IL1RAPL1: variants seen among roughly 807,000 people sequenced by gnomAD.
IL1RAPL1 encodes interleukin 1 receptor accessory protein like 1.
A neutral mutation model predicts 48.4 loss-of-function variants in IL1RAPL1; 3 were observed. The observed-to-expected ratio is 0.06, with a 90% CI of 0.03 to 0.16. The LOEUF (loss-of-function observed/expected upper bound fraction) is 0.16, where lower values mean the gene tolerates loss of function less well. Among genes scored for constraint, IL1RAPL1 ranks in the 10% least tolerant of loss-of-function variants. IL1RAPL1 has a pLI of 1.00. For missense variants in IL1RAPL1, 349 were observed against 530.6 expected (o/e 0.66, Z 3.36); for synonymous variants, 185 against 187.7 (o/e 0.99, Z 0.12).
chrX:28,926,930 T>G (rs746032429), intron 2 of IL1RAPL1, among the ~76,000 whole-genome samples: 2 of 111,514 alleles, frequency 1.8e-5, no homozygotes, highest in Non-Finnish European at 3.8e-5. Context: ...CTCCCTCTGT[T>G]GCCCAGGCTG....
intron 1 of IL1RAPL1, among the ~76,000 whole-genome samples, chrX:28,601,936 C>G (rs1033498280): frequency 7.3e-5 from 8 of 109,532 alleles, no homozygotes; most frequent in African/African-American, 2.7e-4. Context: ...GAAACCCCGT[C>G]TCTACTAAAA....
chrX:29,135,668 G>A (rs1182873536), intron 2 of IL1RAPL1, among the ~76,000 whole-genome samples: 2 of 111,904 alleles, frequency 1.8e-5, no homozygotes, highest in Non-Finnish European at 3.8e-5. Flanking sequence ...TCCTGCAGCA[G>A]CAAATTGAGA....
At chrX:29,695,944 A>C (rs2147113228) in intron 6 of IL1RAPL1, among the ~76,000 whole-genome samples, 1 of 111,896 alleles carries the variant, frequency 8.9e-6, no homozygotes, top group Non-Finnish European at 1.9e-5. Flanking sequence ...ATGGCAATGT[A>C]TATTTTCATA....
rs549817185 is a variant in IL1RAPL1 at position 29,736,496 on chromosome X, C to T, written c.778+67992C>T. 2.1e-4 allele frequency among the ~76,000 whole-genome samples: 24 copies of T among 112,321 alleles called. No individual in the cohort carries two copies. In the East Asian group the frequency reaches 5.9e-3, roughly 28 times the overall value. On this transcript the variant is annotated intron_variant, in intron 6 of 10. Transcript: ENST00000378993. ...ATCCCGGAACTCTGGGAGGCCGAAG[C>T]GGGCAGATCACCTGAGGTCAGGAGT...
Position 29,342,746 on chromosome X carries a change from A to G in IL1RAPL1, c.363-53512A>G, listed in dbSNP as rs1425962013. The stretch of plus-strand genomic sequence containing the variant: ...GTAAATATGACTTAGACTGCAGGCT[A>G]GTATCACCTGAATTGTCTAATTATG... On this transcript the variant is annotated intron_variant, in intron 3 of 10. Coordinates refer to ENST00000378993, the MANE Select transcript of IL1RAPL1 (RefSeq NM_014271.4). Among the ~76,000 whole-genome samples, 3 of 112,382 alleles carry G rather than the reference A, an allele frequency of 2.7e-5. No homozygotes were observed. In the East Asian group the frequency reaches 8.3e-4, roughly 31 times the overall value.
chrX:29,401,992 C>G (rs901115562), intron 5 of IL1RAPL1, among the ~76,000 whole-genome samples: 2 of 110,747 alleles, frequency 1.8e-5, no homozygotes, highest in African/African-American at 3.3e-5. Context: ...CTCCCAGGTT[C>G]AAGAGATTCT....
chrX:29,094,048 C>T (rs753095422), intron 2 of IL1RAPL1, among the ~76,000 whole-genome samples: 35 of 111,814 alleles, frequency 3.1e-4, no homozygotes, highest in African/African-American at 1.0e-3. Context: ...CTTTTTTCTT[C>T]CTTACTGTCT....
At chrX:29,487,989 T>C (rs1253544329) in intron 5 of IL1RAPL1, among the ~76,000 whole-genome samples, 1 of 112,223 alleles carries the variant, frequency 8.9e-6, no homozygotes, top group Non-Finnish European at 1.9e-5. Flanking sequence ...TCCTAAGGGC[T>C]TCTCAGTTTT....
intron 5 of IL1RAPL1, among the ~76,000 whole-genome samples, chrX:29,510,865 T>C (rs911100517): frequency 2.7e-5 from 3 of 112,038 alleles, no homozygotes; most frequent in African/African-American, 9.7e-5. Context: ...TTGCCATATA[T>C]GTGAATACTG....
intron 6 of IL1RAPL1, among the ~76,000 whole-genome samples, chrX:29,804,154 T>A (rs1930195967): frequency 9.0e-6 from 1 of 111,508 alleles, no homozygotes; most frequent in South Asian, 3.7e-4. Flanking sequence ...ATTTGCATAA[T>A]TAAAAATTTT....
intron 5 of IL1RAPL1, among the ~76,000 whole-genome samples, chrX:29,581,374 G>A (rs1820519277): frequency 8.9e-6 from 1 of 111,841 alleles, no homozygotes; most frequent in African/African-American, 3.3e-5. Flanking sequence ...CTTATCAGAG[G>A]TTGGACTGTG....
At chrX:29,173,532 T>C (rs1394976638) in intron 2 of IL1RAPL1, among the ~76,000 whole-genome samples, 1 of 111,891 alleles carries the variant, frequency 8.9e-6, no homozygotes, top group Admixed American at 9.6e-5. Flanking sequence ...GTTCTGTAAG[T>C]ACTTTCCTTA....
At chrX:29,883,861 CTT>C (rs946813814) in intron 6 of IL1RAPL1, among the ~76,000 whole-genome samples, 1 of 112,140 alleles carries the variant, frequency 8.9e-6, no homozygotes. Flanking sequence ...ATTAAGGAAA[CTT>C]AATTAACATT....
intron 3 of IL1RAPL1, among the ~76,000 whole-genome samples, chrX:29,363,698 G>A (rs1300758791): frequency 9.0e-6 from 1 of 111,364 alleles, no homozygotes; most frequent in Non-Finnish European, 1.9e-5. Context: ...GGCAGAAGGT[G>A]AAGAGAAAGC....
chrX:29,515,206 T>C (rs1346424326), intron 5 of IL1RAPL1, among the ~76,000 whole-genome samples: 1 of 112,766 alleles, frequency 8.9e-6, no homozygotes, highest in South Asian at 3.6e-4. Flanking sequence ...TACATGCAAT[T>C]GCAAAAGACA....
intron 5 of IL1RAPL1, among the ~76,000 whole-genome samples, chrX:29,514,571 C>G (rs1935426068): frequency 1.8e-5 from 2 of 112,070 alleles, no homozygotes; most frequent in South Asian, 7.4e-4. Flanking sequence ...GCCTCAGCAT[C>G]CCCAGTAGCT....
chrX:29,724,937 A>G (rs1243193850), intron 6 of IL1RAPL1, among the ~76,000 whole-genome samples: 1 of 111,612 alleles, frequency 9.0e-6, no homozygotes, highest in African/African-American at 3.3e-5. Context: ...AAGGACACAG[A>G]GTGGTATTCT....
At chrX:29,786,025 C>T (rs866653016) in intron 6 of IL1RAPL1, among the ~76,000 whole-genome samples, 7 of 10,167 alleles carry the variant, frequency 6.9e-4, no homozygotes, top group South Asian at 0.012. Context: ...AAAAGGCGGG[C>T]GGGGGGGTGG....
chrX:29,598,687 G>A (rs1164691914), intron 5 of IL1RAPL1, among the ~76,000 whole-genome samples: 1 of 111,358 alleles, frequency 9.0e-6, no homozygotes, highest in Non-Finnish European at 1.9e-5. Context: ...ACTAGTAATC[G>A]TTTTATAAAC....
Sources: gnomAD v4.1 joint callset for allele counts (sites outside exome capture counted in the v4.1 genomes callset) on GRCh38, gnomAD v4.1.1 for gene constraint, MANE v1.5 for transcripts, NCBI Gene and HGNC (gene_info 2026-07-23, HGNC 2026-07-21) for gene names.